Variants in NELL1 observed in about 807,000 individuals in gnomAD.
NELL1 encodes the protein neural EGFL like 1.
In NELL1, 76 loss-of-function variants were observed where a neutral mutation model predicts 107.4. The observed-to-expected ratio is 0.71, with a 90% CI of 0.59 to 0.86. NELL1 has a LOEUF of 0.86. Ranked by LOEUF, NELL1 falls within the 40% of genes least tolerant of loss-of-function variation. The pLI is 0.00. For synonymous variants in NELL1, 353 were observed against 341.2 expected, an observed-to-expected ratio of 1.03 and a Z score of -0.38; for missense variants, 1,024 against 1,005.5, an observed-to-expected ratio of 1.02 and a Z score of -0.25.
At chr11:21,149,246 A>G (rs1590681865) in intron 13 of NELL1, among the ~76,000 whole-genome samples, 2 of 152,202 alleles carry the variant, frequency 1.3e-5, no homozygotes, top group Admixed American at 1.3e-4. Flanking sequence ...ATGTAGGTTT[A>G]TAAGTCCTTT....
chr11:21,027,034 C>T (rs1852830902), intron 12 of NELL1, among the ~76,000 whole-genome samples: 1 of 152,034 alleles, frequency 6.6e-6, no homozygotes, highest in Non-Finnish European at 1.5e-5. Context: ...ACAAGCATTC[C>T]TTGGGAGAAG....
intron 12 of NELL1, among the ~76,000 whole-genome samples, chr11:21,056,907 C>T (rs1361315968): frequency 6.6e-6 from 1 of 151,884 alleles, no homozygotes; most frequent in Non-Finnish European, 1.5e-5. Flanking sequence ...GATTGAAAAC[C>T]ATGTTTGGCT....
In NELL1 at chr11:21,170,815, G is replaced by C. The variant is rs1209909838; in HGVS notation, c.1426+57101G>C. ...TATATGACTGCATTTCATGGCACTT[G>C]ACTCCATTTTCTTGGCTTGCTATAA... On this transcript the variant is annotated intron_variant, in intron 13 of 19. Transcript: ENST00000357134. Among the ~76,000 whole-genome samples the C allele has an allele frequency of 7.3e-5, 11 of 151,420 alleles. No homozygotes were observed. In the East Asian group the frequency reaches 2.1e-3, roughly 29 times the overall value.
chr11:20,896,509 C>T (rs531720369), intron 5 of NELL1, among the ~76,000 whole-genome samples: 1 of 152,244 alleles, frequency 6.6e-6, no homozygotes, highest in Non-Finnish European at 1.5e-5. Context: ...ATTGCTGGAT[C>T]AAATGGTATT....
intron 3 of NELL1, among the ~76,000 whole-genome samples, chr11:20,809,907 G>T (rs1454675854): frequency 6.6e-6 from 1 of 152,110 alleles, no homozygotes; most frequent in East Asian, 1.9e-4. Context: ...TCATATGGTA[G>T]TTATATTTTT....
chr11:20,845,974 G>A (rs1848695856), intron 3 of NELL1, among the ~76,000 whole-genome samples: 2 of 152,144 alleles, frequency 1.3e-5, no homozygotes, highest in East Asian at 1.9e-4. Flanking sequence ...TAAGTTCTCC[G>A]ATTGTTTGAT....
At chr11:21,542,765 T>G (rs1056170172) in intron 16 of NELL1, among the ~76,000 whole-genome samples, 2 of 152,102 alleles carry the variant, frequency 1.3e-5, no homozygotes, top group African/African-American at 4.8e-5. Context: ...TTATTTATTA[T>G]GCACTGCCTC....
At chr11:21,375,558 T>C (rs796124752) in intron 15 of NELL1, among the ~76,000 whole-genome samples, 17 of 152,272 alleles carry the variant, frequency 1.1e-4, no homozygotes, top group African/African-American at 4.1e-4. Context: ...TTGTTTTATT[T>C]TGGGTATATA....
intron 15 of NELL1, among the ~76,000 whole-genome samples, chr11:21,457,376 T>C (rs10833538): frequency 0.32 from 49,144 of 152,004 alleles, 8,457 homozygotes; most frequent in South Asian, 0.44. Flanking sequence ...ATAAGAGGTG[T>C]TGTTAGAGAT....
chr11:21,162,770 C>T (rs1401847186), intron 13 of NELL1, among the ~76,000 whole-genome samples: 2 of 152,086 alleles, frequency 1.3e-5, no homozygotes, highest in Non-Finnish European at 2.9e-5. Context: ...TATGTATTTG[C>T]CACCTTTTGC....
intron 15 of NELL1, among the ~76,000 whole-genome samples, chr11:21,388,931 G>A (rs570013243): frequency 1.1e-4 from 16 of 151,876 alleles, no homozygotes; most frequent in African/African-American, 3.9e-4. Flanking sequence ...TTCCCTGGTT[G>A]AACACTGTCA....
chr11:20,746,015 A>T (rs115925544), intron 2 of NELL1, among the ~76,000 whole-genome samples: 1 of 152,322 alleles, frequency 6.6e-6, no homozygotes, highest in African/African-American at 2.4e-5. Flanking sequence ...TATTTAACTA[A>T]TAAGAAGATA....
chr11:20,734,457 T>C (rs991296943), intron 2 of NELL1, among the ~76,000 whole-genome samples: 3 of 152,130 alleles, frequency 2.0e-5, no homozygotes, highest in Non-Finnish European at 4.4e-5. Flanking sequence ...ATGGCTCCGA[T>C]GAGGATCATC....
chr11:21,250,717 A>G (rs1434030615), intron 14 of NELL1, among the ~76,000 whole-genome samples: 1 of 152,234 alleles, frequency 6.6e-6, no homozygotes, highest in East Asian at 1.9e-4. Context: ...GACATTGCAG[A>G]TTATAAATGT....
chr11:21,505,723 C>G (rs1300137783), intron 15 of NELL1, among the ~76,000 whole-genome samples: 1 of 152,162 alleles, frequency 6.6e-6, no homozygotes, highest in Non-Finnish European at 1.5e-5. Context: ...TCATCTTTAT[C>G]TAATAGTAGC....
At chr11:20,853,452 C>G (rs374811107) in intron 4 of NELL1, among the ~76,000 whole-genome samples, 16 of 152,296 alleles carry the variant, frequency 1.1e-4, no homozygotes, top group African/African-American at 3.8e-4. Flanking sequence ...TTCATTCACT[C>G]ATTCATATGC....
At chr11:21,075,774 C>T (rs540040032) in intron 12 of NELL1, among the ~76,000 whole-genome samples, 6 of 152,300 alleles carry the variant, frequency 3.9e-5, no homozygotes, top group South Asian at 4.1e-4. Flanking sequence ...ACAGTGTTTT[C>T]AACTCACTTT....
chr11:21,397,521 CAG>C (rs1431618018), intron 15 of NELL1, among the ~76,000 whole-genome samples: 1 of 151,384 alleles, frequency 6.6e-6, no homozygotes, highest in Non-Finnish European at 1.5e-5. Context: ...AAATTTTTGT[CAG>C]TGAAAAATAC....
intron 13 of NELL1, among the ~76,000 whole-genome samples, chr11:21,164,674 C>A (rs1055120294): frequency 6.6e-6 from 1 of 152,126 alleles, no homozygotes; most frequent in African/African-American, 2.4e-5. Context: ...AGAGTAAGGT[C>A]AAGGAAAGTA....
Sources: allele counts gnomAD v4.1 joint callset (sites outside exome capture counted in the v4.1 genomes callset), GRCh38; gene constraint gnomAD v4.1.1; transcripts MANE v1.5; gene names NCBI Gene and HGNC (gene_info 2026-07-23, HGNC 2026-07-21).